The following HHIP variants were observed in gnomAD, a reference collection of about 807,000 sequenced individuals.
HHIP encodes the protein hedgehog interacting protein, also known as hedgehog-interacting protein.
Under a neutral mutation model 74.0 loss-of-function variants are expected in HHIP, and 12 were observed. That is an observed-to-expected ratio of 0.16 (90% CI 0.10 to 0.26). HHIP has a LOEUF of 0.26. Ranked by LOEUF, HHIP falls within the 10% of genes least tolerant of loss-of-function variation. HHIP has a pLI of 1.00. For missense variants in HHIP, 788 were observed against 845.0 expected, an observed-to-expected ratio of 0.93 and a Z score of 0.84; for synonymous variants, 309 against 311.6, an observed-to-expected ratio of 0.99 and a Z score of 0.09.
At chr4:144,719,114 C>T (rs562269922) in intron 11 of HHIP, among the ~76,000 whole-genome samples, 158 bp downstream of exon 11, 12 of 152,278 alleles carry the variant, frequency 7.9e-5, no homozygotes, top group East Asian at 1.9e-4. Context: ...GGATTTTCTT[C>T]GCCTGTCTAT....
chr4:144,657,479 G>A (rs955161424), intron 2 of HHIP, among the ~76,000 whole-genome samples: 1 of 152,074 alleles, frequency 6.6e-6, no homozygotes, highest in Non-Finnish European at 1.5e-5. Flanking sequence ...ACCAGAAGCA[G>A]CAATTTAGGA....
At chr4:144,658,503 G>C (rs1290972119) in intron 2 of HHIP, among the ~76,000 whole-genome samples, 1 of 151,606 alleles carries the variant, frequency 6.6e-6, no homozygotes, top group African/African-American at 2.4e-5. Context: ...CGAATAGCTA[G>C]GATTATAGGC....
At chr4:144,695,962 C>A (rs910247067) in intron 4 of HHIP, among the ~76,000 whole-genome samples, 1 of 151,882 alleles carries the variant, frequency 6.6e-6, no homozygotes, top group Admixed American at 6.6e-5. Flanking sequence ...TTCTACATAA[C>A]GTGCACGCAT....
chr4:144,666,051 A>G (rs895052019), intron 4 of HHIP, among the ~76,000 whole-genome samples: 4 of 152,222 alleles, frequency 2.6e-5, no homozygotes, highest in Non-Finnish European at 4.4e-5. Flanking sequence ...TAAGTGAGAT[A>G]TCTACCATCT....
chr4:144,659,014 A>G lies in HHIP; in HGVS notation c.629+68A>G, dbSNP rs944424921. 29 of 1,329,828 alleles carry G rather than the reference A, an allele frequency of 2.2e-5. 1 individual carries two copies. The highest frequency in any genetic ancestry group is 1.9e-4 in the South Asian group (14 of 71,894). The allele number at this position is 1,329,828 out of a possible 1,614,324, so 82.4% of individuals were successfully genotyped here. A position where few individuals can be genotyped will look rare whatever the true frequency, so the allele number is the denominator to read the frequency against. On this transcript the variant is annotated intron_variant, in intron 3 of 12. Transcript: ENST00000296575. ...AACTGACAAATCTTGTGGTTTTGAC[A>G]GTGAATCAACTGTCTGTGCTTATGT...
In HHIP at chr4:144,646,207, C is replaced by A; in HGVS notation, c.-469C>A. ...CCGCCGGCAGAGGAGACCTCAGCAT[C>A]ATCTAGAGCCCAGCGCTGGCCCTGC... On this transcript the variant is annotated 5_prime_UTR_variant, in exon 1 of 13. Transcript: ENST00000296575. 6.3e-6 allele frequency: 1 copy of A among 157,984 alleles called. No homozygotes were observed. Among genetic ancestry groups the A allele is most frequent in the South Asian group, 1.8e-4 (1 of 5,686 alleles). The allele number at this position is 157,984 out of a possible 1,614,324, so 9.8% of individuals were successfully genotyped here. A position where few individuals can be genotyped will look rare whatever the true frequency, so the allele number is the denominator to read the frequency against.
chr4:144,733,788 C>A (rs896825997), intron 11 of HHIP, among the ~76,000 whole-genome samples: 1 of 152,106 alleles, frequency 6.6e-6, no homozygotes, highest in African/African-American at 2.4e-5. Flanking sequence ...ATATTTTTTT[C>A]CCTGAAGATT....
intron 1 of HHIP, chr4:144,648,619 A>G (rs1295500909): frequency 6.6e-6 from 1 of 152,196 alleles, no homozygotes; most frequent in East Asian, 1.9e-4. Context: ...GGAAATTCAG[A>G]GAAAAGTTTA....
At position 144,646,436 on chromosome 4, in the gene HHIP, C is replaced by T; in HGVS notation, c.-240C>T. ...ACACTGGCACAACTGCAAACGGTGTCATCCGCACAACTTTATCTCGCTCCT... is the reference window on the plus strand; with the variant it reads ...ACACTGGCACAACTGCAAACGGTGTTATCCGCACAACTTTATCTCGCTCCT... On this transcript the variant is annotated 5_prime_UTR_variant, in exon 1 of 13. Transcript: ENST00000296575. 6.6e-6 allele frequency: 3 copies of T among 457,910 alleles called. No homozygotes were observed. The South Asian group carries it at 1.3e-4, about 20-fold the overall frequency. The allele number at this position is 457,910 out of a possible 1,614,324, so 28.4% of individuals were successfully genotyped here. A position where few individuals can be genotyped will look rare whatever the true frequency, so the allele number is the denominator to read the frequency against.
intron 4 of HHIP, among the ~76,000 whole-genome samples, chr4:144,703,269 G>T (rs1730041671): frequency 6.6e-6 from 1 of 151,292 alleles, no homozygotes; most frequent in African/African-American, 2.4e-5. Context: ...AGGCAAGACT[G>T]CCTGAATCAC....
At chr4:144,693,583 G>A (rs537169327) in intron 4 of HHIP, among the ~76,000 whole-genome samples, 26 of 151,674 alleles carry the variant, frequency 1.7e-4, no homozygotes, top group Non-Finnish European at 3.7e-4. Flanking sequence ...TTTTTCTTTT[G>A]TGACTTTAAG....
At chr4:144,715,240 T>C in intron 9 of HHIP, 60 bp from the exon 10 acceptor site, 1 of 1,498,032 alleles carries the variant, frequency 6.7e-7, no homozygotes, top group Admixed American at 1.8e-5. Flanking sequence ...AAACATCTTA[T>C]TGTCATCAAT....
chr4:144,680,989 TTGAC>T (rs939153324), intron 4 of HHIP, among the ~76,000 whole-genome samples: 1 of 152,180 alleles, frequency 6.6e-6, no homozygotes, highest in Non-Finnish European at 1.5e-5. Context: ...ACTATATATT[TTGAC>T]TGACTAATAA....
At chr4:144,733,233 T>A (rs1311554067) in intron 11 of HHIP, among the ~76,000 whole-genome samples, 1 of 152,166 alleles carries the variant, frequency 6.6e-6, no homozygotes, top group Non-Finnish European at 1.5e-5. Context: ...GTGCATAGAA[T>A]GCCTGAAGGG....
intron 1 of HHIP, chr4:144,647,222 G>C (rs1440703408): frequency 4.9e-6 from 2 of 405,652 alleles, no homozygotes; most frequent in Non-Finnish European, 8.7e-6. Context: ...CCGCACCCTG[G>C]GCTGGGTAAA....
At chr4:144,665,990 C>A (rs886901482) in intron 4 of HHIP, among the ~76,000 whole-genome samples, 11 of 152,040 alleles carry the variant, frequency 7.2e-5, no homozygotes, top group Admixed American at 2.0e-4. Flanking sequence ...AGTGAAAAAC[C>A]GGGAAATCTG....
At chr4:144,737,318 C>T (rs770577635) in intron 12 of HHIP, among the ~76,000 whole-genome samples, 2 of 152,118 alleles carry the variant, frequency 1.3e-5, no homozygotes, top group Non-Finnish European at 2.9e-5. Context: ...ACTGACTGTT[C>T]CTTTCTGTTG....
chr4:144,724,274 A>G (rs1476686240), intron 11 of HHIP, among the ~76,000 whole-genome samples: 1 of 152,200 alleles, frequency 6.6e-6, no homozygotes. Flanking sequence ...AATAGGTGCT[A>G]TTATATAATA....
intron 7 of HHIP, 73 bp downstream of exon 7, chr4:144,708,384 T>G: frequency 6.7e-7 from 1 of 1,484,534 alleles, no homozygotes; most frequent in Non-Finnish European, 9.3e-7. Flanking sequence ...AAATATAGCA[T>G]AGAGCATATA....
Sources: allele counts gnomAD v4.1 joint callset (sites outside exome capture counted in the v4.1 genomes callset), GRCh38; gene constraint gnomAD v4.1.1; transcripts MANE v1.5; gene names NCBI Gene and HGNC (gene_info 2026-07-23, HGNC 2026-07-21).